The following SNAP91 variants were observed in gnomAD, a reference collection of about 807,000 sequenced individuals.
The protein encoded by SNAP91 is clathrin coat assembly protein AP180.
In SNAP91, 27 loss-of-function variants were observed where a neutral mutation model predicts 100.3. That is an observed-to-expected ratio of 0.27 (90% CI 0.20 to 0.37). The LOEUF is 0.37. Ranked by LOEUF, SNAP91 falls within the 10% of genes least tolerant of loss-of-function variation. The pLI is 1.00. For synonymous variants in SNAP91, 404 were observed against 398.6 expected, an observed-to-expected ratio of 1.01 and a Z score of -0.16; for missense variants, 986 against 1,123.7, an observed-to-expected ratio of 0.88 and a Z score of 1.75.
chr6:83,634,724 T>C (rs2128496237), intron 8 of SNAP91, among the ~76,000 whole-genome samples: 1 of 152,332 alleles, frequency 6.6e-6, no homozygotes, highest in Non-Finnish European at 1.5e-5. Context: ...TTCCTTTATG[T>C]GTGATGTTAG....
At chr6:83,600,249 G>A (rs2095021524) in intron 16 of SNAP91, among the ~76,000 whole-genome samples, 2 of 152,208 alleles carry the variant, frequency 1.3e-5, no homozygotes, top group African/African-American at 4.8e-5. Flanking sequence ...CTTGGATGAT[G>A]TTGGCCAACC....
chr6:83,693,870 C>A (rs572284814), intron 2 of SNAP91, among the ~76,000 whole-genome samples: 2 of 152,220 alleles, frequency 1.3e-5, no homozygotes, highest in South Asian at 2.1e-4. Flanking sequence ...GCTTTAGTAT[C>A]CAGCATGGAT....
At chr6:83,574,823 C>T (rs954571974) in intron 26 of SNAP91, among the ~76,000 whole-genome samples, 187 bp downstream of exon 26, 15 of 152,166 alleles carry the variant, frequency 9.9e-5, no homozygotes, top group African/African-American at 3.6e-4. Flanking sequence ...AAAACAGAGG[C>T]TATCAAATGT....
chr6:83,560,043 A>G, intron 28 of SNAP91, 61 bp downstream of exon 28: 2 of 1,372,722 alleles, frequency 1.5e-6, no homozygotes, highest in Non-Finnish European at 2.1e-6. Context: ...ACAGTTTGCT[A>G]CACCAATGTT....
chr6:83,608,458 A>G (rs796691450), intron 12 of SNAP91, among the ~76,000 whole-genome samples: 5 of 152,332 alleles, frequency 3.3e-5, no homozygotes, highest in African/African-American at 9.6e-5. Context: ...ATTTTTATTT[A>G]GTTACTGTAA....
intron 8 of SNAP91, among the ~76,000 whole-genome samples, chr6:83,633,877 C>T (rs991881413): frequency 2.0e-5 from 3 of 151,786 alleles, no homozygotes; most frequent in Admixed American, 6.6e-5. Flanking sequence ...TCACACCCTC[C>T]CCCGAGTTCT....
chr6:83,661,230 T>C (rs551838616), intron 5 of SNAP91, among the ~76,000 whole-genome samples: 5 of 152,352 alleles, frequency 3.3e-5, no homozygotes, highest in African/African-American at 4.8e-5. Context: ...TAAAATGTTA[T>C]ATAATTTGTC....
intron 8 of SNAP91, among the ~76,000 whole-genome samples, chr6:83,630,495 G>C (rs2097162361): frequency 6.6e-6 from 1 of 151,856 alleles, no homozygotes; most frequent in Admixed American, 6.6e-5. Flanking sequence ...TTTTTTGTTG[G>C]TAATTTAAAA....
chr6:83,569,136 A>C (rs993571352), intron 26 of SNAP91, among the ~76,000 whole-genome samples: 1 of 152,208 alleles, frequency 6.6e-6, no homozygotes, highest in Non-Finnish European at 1.5e-5. Context: ...TAAAGATAAA[A>C]TAACTATGCA....
intron 21 of SNAP91, among the ~76,000 whole-genome samples, chr6:83,591,949 C>A (rs1485975266): frequency 6.6e-6 from 1 of 152,214 alleles, no homozygotes. Flanking sequence ...ATCAGCAACA[C>A]ATTTTCCAAT....
intron 2 of SNAP91, among the ~76,000 whole-genome samples, chr6:83,690,780 CT>C (rs1315687254): frequency 6.6e-6 from 1 of 151,750 alleles, no homozygotes; most frequent in Non-Finnish European, 1.5e-5. Flanking sequence ...AAATAGCAGT[CT>C]AAAAATTATT....
At chr6:83,706,459 A>T (rs1462152472) in intron 2 of SNAP91, among the ~76,000 whole-genome samples, 1 of 152,252 alleles carries the variant, frequency 6.6e-6, no homozygotes, top group African/African-American at 2.4e-5. Flanking sequence ...TGTAATCAAT[A>T]AATTTAGTTA....
At chr6:83,610,293 C>G (rs919618956) in intron 12 of SNAP91, among the ~76,000 whole-genome samples, 5 of 151,884 alleles carry the variant, frequency 3.3e-5, no homozygotes, top group African/African-American at 1.2e-4. Flanking sequence ...GGAGGAAATT[C>G]AGGCACATGG....
At chr6:83,677,572 T>C (rs1247204010) in intron 2 of SNAP91, among the ~76,000 whole-genome samples, 1 of 152,170 alleles carries the variant, frequency 6.6e-6, no homozygotes, top group African/African-American at 2.4e-5. Context: ...TAGAAAATTA[T>C]TTAGACAAAA....
chr6:83,590,491 T>C (rs2128185515), intron 22 of SNAP91, among the ~76,000 whole-genome samples: 1 of 151,944 alleles, frequency 6.6e-6, no homozygotes, highest in South Asian at 2.1e-4. Context: ...TTTCACACTA[T>C]GACCCTGTTG....
chr6:83,643,262 C>G (rs1297642611), intron 7 of SNAP91, among the ~76,000 whole-genome samples: 2 of 152,162 alleles, frequency 1.3e-5, no homozygotes, highest in African/African-American at 2.4e-5. Context: ...GAAGTCCTTG[C>G]CCATGCCTAT....
intron 8 of SNAP91, among the ~76,000 whole-genome samples, chr6:83,638,154 T>C (rs1397438314): frequency 6.6e-6 from 1 of 152,166 alleles, no homozygotes; most frequent in African/African-American, 2.4e-5. Context: ...CCTATGGTCA[T>C]GTTTTACTGC....
chr6:83,630,895 C>A (rs1436832841), intron 8 of SNAP91, among the ~76,000 whole-genome samples: 1 of 151,432 alleles, frequency 6.6e-6, no homozygotes, highest in South Asian at 2.1e-4. Flanking sequence ...GGGTTTGGTT[C>A]ATTCTTGTTT....
chr6:83,625,429 A>G (rs1021528957), intron 8 of SNAP91, among the ~76,000 whole-genome samples: 5 of 152,070 alleles, frequency 3.3e-5, no homozygotes, highest in African/African-American at 1.2e-4. Context: ...TCAGTCAAAC[A>G]GAAGTTCTAT....
Sources: allele counts gnomAD v4.1 joint callset (sites outside exome capture counted in the v4.1 genomes callset), GRCh38; gene constraint gnomAD v4.1.1; transcripts MANE v1.5; gene names NCBI Gene and HGNC (gene_info 2026-07-23, HGNC 2026-07-21).